Variants in ANXA3 observed in about 807,000 individuals in gnomAD.
ANXA3 encodes 35-alpha calcimedin.
Under a neutral mutation model 48.8 loss-of-function variants are expected in ANXA3, and 46 were observed. The ratio of observed to expected loss-of-function variants is 0.94; its 90% CI spans 0.74 to 1.21. The LOEUF is 1.21. Ranked by LOEUF, ANXA3 falls within the 50% of genes most tolerant of loss-of-function variation. ANXA3 has a pLI of 0.00. For missense variants in ANXA3, 383 were observed against 378.6 expected, an observed-to-expected ratio of 1.01 and a Z score of -0.10; for synonymous variants, 128 against 134.7, an observed-to-expected ratio of 0.95 and a Z score of 0.35.
chr4:78,588,683 G>T (rs543012040), intron 6 of ANXA3, among the ~76,000 whole-genome samples: 5 of 152,248 alleles, frequency 3.3e-5, no homozygotes, highest in Non-Finnish European at 7.4e-5. Flanking sequence ...TTTCTAGGAA[G>T]CTGGAGCCAG....
chr4:78,576,633 T>C (rs1722961289), intron 3 of ANXA3, among the ~76,000 whole-genome samples: 1 of 152,172 alleles, frequency 6.6e-6, no homozygotes, highest in Admixed American at 6.6e-5. Context: ...GAATAGACTG[T>C]TTCATGAGGT....
At chr4:78,555,852 T>TAAA (rs58427168) in intron 2 of ANXA3, among the ~76,000 whole-genome samples, 1 of 145,478 alleles carries the variant, frequency 6.9e-6, no homozygotes, top group Non-Finnish European at 1.5e-5. Flanking sequence ...CCCTATCTAT[T>TAAA]AAAAAAAAAA....
chr4:78,607,432 G>C (rs1723672994), intron 12 of ANXA3, among the ~76,000 whole-genome samples: 1 of 152,022 alleles, frequency 6.6e-6, no homozygotes, highest in Non-Finnish European at 1.5e-5. Flanking sequence ...CCTTTCTCAG[G>C]GGGTAACCGG....
intron 2 of ANXA3, among the ~76,000 whole-genome samples, chr4:78,555,219 AGAG>A (rs1197653287): frequency 6.6e-6 from 1 of 152,230 alleles, no homozygotes; most frequent in Non-Finnish European, 1.5e-5. Context: ...AAATAGAAAA[AGAG>A]AAAGAAATAT....
At chr4:78,608,570 G>A (rs1723697841) in intron 12 of ANXA3, among the ~76,000 whole-genome samples, 1 of 152,010 alleles carries the variant, frequency 6.6e-6, no homozygotes, top group Non-Finnish European at 1.5e-5. Flanking sequence ...GAATAAGAAG[G>A]GCTCAAAAGA....
chr4:78,590,133 A>G (rs966740396), intron 6 of ANXA3, among the ~76,000 whole-genome samples: 4 of 152,208 alleles, frequency 2.6e-5, no homozygotes, highest in Admixed American at 2.6e-4. Flanking sequence ...TTCCAAAATT[A>G]CAAAATACTT....
chr4:78,570,550 A>G (rs1164406786), intron 2 of ANXA3, among the ~76,000 whole-genome samples: 1 of 152,226 alleles, frequency 6.6e-6, no homozygotes, highest in Non-Finnish European at 1.5e-5. Context: ...GGTCATATAC[A>G]TTTAAAGTAT....
chr4:78,610,240 C>G lies in ANXA3; in HGVS notation c.*125C>G. The stretch of plus-strand genomic sequence containing the variant: ...AACTTGTGTTCCTAACAGGAATTTT[C>G]ATTGTTCTATAACAACAACAACAAA... On this transcript the variant is annotated 3_prime_UTR_variant, in exon 13 of 13. Transcript: ENST00000264908. 1 of 540,088 alleles carries G rather than the reference C, an allele frequency of 1.9e-6. No homozygotes were observed. Among genetic ancestry groups the G allele is most frequent in the Non-Finnish European group, 3.2e-6 (1 of 308,008 alleles). 33.5% of individuals were successfully genotyped at this position (540,088 alleles called of 1,614,324 possible). A position where few individuals can be genotyped will look rare whatever the true frequency, so the allele number is the denominator to read the frequency against.
intron 5 of ANXA3, among the ~76,000 whole-genome samples, chr4:78,585,652 CAGAG>C (rs1390972748): frequency 6.6e-6 from 1 of 152,236 alleles, no homozygotes; most frequent in Non-Finnish European, 1.5e-5. Flanking sequence ...ATCTCTGCTA[CAGAG>C]AGACAGAATT....
chr4:78,561,511 T>C (rs1462232991), intron 2 of ANXA3, among the ~76,000 whole-genome samples: 2 of 152,192 alleles, frequency 1.3e-5, no homozygotes, highest in Middle Eastern at 3.2e-3. Context: ...AGTTTCATAC[T>C]CCTTGCTTTG....
chr4:78,599,768 AT>A (rs1308715441), intron 10 of ANXA3, among the ~76,000 whole-genome samples: 3 of 152,052 alleles, frequency 2.0e-5, no homozygotes, highest in African/African-American at 7.2e-5. Context: ...CTACAAAAAA[AT>A]AAAAAATTAG....
At chr4:78,592,060 G>A (rs1723308477) in intron 7 of ANXA3, among the ~76,000 whole-genome samples, 1 of 152,088 alleles carries the variant, frequency 6.6e-6, no homozygotes, top group South Asian at 2.1e-4. Flanking sequence ...TTAGAGATGG[G>A]AATTAAATTG....
At chr4:78,597,227 C>G (rs1723439595) in intron 9 of ANXA3, 92 bp from the exon 10 acceptor site, 1 of 786,368 alleles carries the variant, frequency 1.3e-6, no homozygotes, top group African/African-American at 1.8e-5. Flanking sequence ...TAGCTTGCTA[C>G]TTGATCTTCT....
chr4:78,561,998 G>T (rs2109926222), intron 2 of ANXA3, among the ~76,000 whole-genome samples: 1 of 152,318 alleles, frequency 6.6e-6, no homozygotes, highest in East Asian at 1.9e-4. Flanking sequence ...GCTGTTCTTT[G>T]CCATTCTCTG....
intron 2 of ANXA3, among the ~76,000 whole-genome samples, chr4:78,566,152 C>T (rs1722725853): frequency 6.6e-6 from 1 of 152,118 alleles, no homozygotes; most frequent in African/African-American, 2.4e-5. Flanking sequence ...CTGTGAGTGA[C>T]ACATGCTCCA....
chr4:78,565,621 G>C (rs1722714107), intron 2 of ANXA3, among the ~76,000 whole-genome samples: 3 of 152,280 alleles, frequency 2.0e-5, no homozygotes, highest in Middle Eastern at 3.4e-3. Flanking sequence ...ACAGAAACTG[G>C]AGCCAGATTG....
chr4:78,561,808 A>G lies in ANXA3; in HGVS notation c.15+7320A>G, dbSNP rs140762708. The stretch of plus-strand genomic sequence containing the variant: ...CATGTTCCCTGAAGCTGCTTTAGGT[A>G]AATATTGGCATTCAGACAGATACAC... On this transcript the variant is annotated intron_variant, in intron 2 of 12. Transcript: ENST00000264908. Among the ~76,000 whole-genome samples the G allele has an allele frequency of 2.2e-4, 33 of 152,262 alleles. 1 individual carries two copies. The East Asian group carries it at 6.4e-3, about 29-fold the overall frequency.
At chr4:78,574,461 G>T (rs931916821) in intron 3 of ANXA3, among the ~76,000 whole-genome samples, 1 of 151,966 alleles carries the variant, frequency 6.6e-6, no homozygotes, top group Non-Finnish European at 1.5e-5. Flanking sequence ...ACACAATCCC[G>T]TCAGTTCTTC....
chr4:78,606,155 A>G (rs1348560700), intron 12 of ANXA3, among the ~76,000 whole-genome samples: 2 of 152,268 alleles, frequency 1.3e-5, no homozygotes, highest in East Asian at 1.9e-4. Flanking sequence ...CTTGCAGGCT[A>G]TGCAGACCTC....
Sources: gnomAD v4.1 joint callset for allele counts (sites outside exome capture counted in the v4.1 genomes callset) on GRCh38, gnomAD v4.1.1 for gene constraint, MANE v1.5 for transcripts, NCBI Gene and HGNC (gene_info 2026-07-23, HGNC 2026-07-21) for gene names.